The following TPH2 variants were observed in gnomAD, a reference collection of about 807,000 sequenced individuals.
The protein encoded by TPH2 is tryptophan hydroxylase 2, also known as tryptophan 5-hydroxylase 2.
In TPH2, 27 loss-of-function variants were observed where a neutral mutation model predicts 59.1. That is an observed-to-expected ratio of 0.46 (90% confidence interval 0.34 to 0.63). The LOEUF is 0.63. Among genes scored for constraint, TPH2 ranks in the 30% least tolerant of loss-of-function variants. TPH2 has a pLI of 0.01. For missense variants in TPH2, 523 were observed against 588.3 expected (o/e 0.89, Z 1.15); for synonymous variants, 220 against 210.5 (o/e 1.05, Z -0.39).
intron 8 of TPH2, among the ~76,000 whole-genome samples, chr12:72,015,684 A>T (rs1317330048): frequency 6.6e-6 from 1 of 152,152 alleles, no homozygotes; most frequent in Non-Finnish European, 1.5e-5. Flanking sequence ...TTTGAGTGAC[A>T]GTCTTCTTTT....
At chr12:72,024,670 G>T in intron 9 of TPH2, among the ~76,000 whole-genome samples, 1 of 152,162 alleles carries the variant, frequency 6.6e-6, no homozygotes, top group East Asian at 1.9e-4. Context: ...CAAAGGAAAC[G>T]GATCTCTCTC....
intron 9 of TPH2, among the ~76,000 whole-genome samples, chr12:72,023,110 A>T (rs1449010148): frequency 6.6e-6 from 1 of 152,180 alleles, no homozygotes; most frequent in Non-Finnish European, 1.5e-5. Flanking sequence ...AGAAATGTTG[A>T]GACCTGGAAT....
intron 5 of TPH2, chr12:71,962,110 G>T: frequency 1.0e-6 from 1 of 993,614 alleles, no homozygotes; most frequent in Non-Finnish European, 1.2e-6. Context: ...TTTACTCTAT[G>T]GCGTGGCTTA....
intron 8 of TPH2, among the ~76,000 whole-genome samples, chr12:72,011,109 T>G (rs1166463869): frequency 6.6e-6 from 1 of 152,192 alleles, no homozygotes; most frequent in East Asian, 1.9e-4. Flanking sequence ...AGTTTAGCTA[T>G]TTCAAGGTAG....
intron 6 of TPH2, among the ~76,000 whole-genome samples, chr12:71,974,896 T>A (rs911866537): frequency 6.6e-6 from 1 of 152,188 alleles, no homozygotes; most frequent in Non-Finnish European, 1.5e-5. Flanking sequence ...TTTTCTGACA[T>A]CTCTGCTCAG....
intron 8 of TPH2, among the ~76,000 whole-genome samples, chr12:72,022,110 TG>T (rs1177154306): frequency 6.6e-6 from 1 of 152,182 alleles, no homozygotes; most frequent in Non-Finnish European, 1.5e-5. Flanking sequence ...TCTACATCTG[TG>T]TTTTTTGTTT....
intron 5 of TPH2, among the ~76,000 whole-genome samples, chr12:71,952,583 C>A (rs1211463268): frequency 1.3e-5 from 2 of 152,126 alleles, no homozygotes; most frequent in African/African-American, 4.8e-5. Context: ...GGGTATTTAC[C>A]TAAGAGAGCT....
intron 8 of TPH2, among the ~76,000 whole-genome samples, chr12:71,995,595 A>G (rs1363009269): frequency 6.6e-6 from 1 of 152,214 alleles, no homozygotes; most frequent in East Asian, 1.9e-4. Flanking sequence ...CAACTAAAAG[A>G]TAAATAGCAA....
At chr12:71,958,644 C>T (rs957744977) in intron 5 of TPH2, among the ~76,000 whole-genome samples, 1 of 152,146 alleles carries the variant, frequency 6.6e-6, no homozygotes, top group East Asian at 1.9e-4. Flanking sequence ...TTCCCTCTCT[C>T]CCAGGCCCCA....
At chr12:72,003,783 C>T (rs1277456247) in intron 8 of TPH2, among the ~76,000 whole-genome samples, 1 of 152,172 alleles carries the variant, frequency 6.6e-6, no homozygotes, top group African/African-American at 2.4e-5. Flanking sequence ...GCATTGCCCA[C>T]TATGTTCAGA....
intron 8 of TPH2, among the ~76,000 whole-genome samples, chr12:71,996,092 C>G (rs1007633635): frequency 6.6e-6 from 1 of 152,112 alleles, no homozygotes; most frequent in Non-Finnish European, 1.5e-5. Context: ...ACTCTCAGGA[C>G]GTTGTAGTCA....
At position 72,022,394 on chromosome 12, in the gene TPH2, T is replaced by C; in HGVS notation, c.1069-5T>C. 3 of 1,613,052 alleles carry C rather than the reference T, an allele frequency of 1.9e-6. No individual in the cohort carries two copies. Among genetic ancestry groups the C allele is most frequent in the Non-Finnish European group, 2.5e-6 (3 of 1,179,004 alleles). On this transcript the variant is annotated splice_region_variant and splice_polypyrimidine_tract_variant and intron_variant, in intron 8 of 10. Coordinates refer to ENST00000333850, the MANE Select transcript of TPH2 (RefSeq NM_173353.4). ...TTCACTGAATATGTGTTCGTTTTTC[T>C]TCAGTGCTATTTCTTCACAATCGAG...
At chr12:71,978,481 C>T (rs191484638) in intron 6 of TPH2, among the ~76,000 whole-genome samples, 66 of 152,180 alleles carry the variant, frequency 4.3e-4, no homozygotes, top group Admixed American at 3.2e-3. Flanking sequence ...AAGGAGTTAG[C>T]GGGTATTGGC....
At chr12:72,010,683 G>A (rs751768689) in intron 8 of TPH2, among the ~76,000 whole-genome samples, 3 of 152,110 alleles carry the variant, frequency 2.0e-5, no homozygotes, top group Non-Finnish European at 4.4e-5. Context: ...GTCTAGGAGG[G>A]TGTTGCTTTT....
chr12:71,942,163 A>T, intron 2 of TPH2, among the ~76,000 whole-genome samples: 1 of 152,326 alleles, frequency 6.6e-6, no homozygotes, highest in Non-Finnish European at 1.5e-5. Flanking sequence ...GGCACACGGT[A>T]TTCCCCTAAG....
At chr12:71,975,152 G>A (rs1872081771) in intron 6 of TPH2, among the ~76,000 whole-genome samples, 1 of 152,148 alleles carries the variant, frequency 6.6e-6, no homozygotes, top group Non-Finnish European at 1.5e-5. Flanking sequence ...TTCGAGACCA[G>A]CCTGGCCAAC....
At chr12:71,944,768 C>T (rs1871158552) in intron 4 of TPH2, 82 bp downstream of exon 4, 1 of 1,227,100 alleles carries the variant, frequency 8.1e-7, no homozygotes, top group Non-Finnish European at 1.2e-6. Flanking sequence ...TTCTGTGCTG[C>T]AATGCTTTAT....
intron 7 of TPH2, among the ~76,000 whole-genome samples, chr12:71,985,208 A>G (rs1173893123): frequency 1.3e-5 from 2 of 152,234 alleles, no homozygotes; most frequent in Admixed American, 1.3e-4. Context: ...GCTGGTAAGT[A>G]CGTGAGTCAG....
intron 8 of TPH2, among the ~76,000 whole-genome samples, chr12:72,015,740 A>G (rs1873230757): frequency 6.6e-6 from 1 of 152,152 alleles, no homozygotes; most frequent in Non-Finnish European, 1.5e-5. Flanking sequence ...AACAGCACAG[A>G]TGCTTGCTAG....
Sources: allele counts gnomAD v4.1 joint callset (sites outside exome capture counted in the v4.1 genomes callset), GRCh38; gene constraint gnomAD v4.1.1; transcripts MANE v1.5; gene names NCBI Gene and HGNC (gene_info 2026-07-23, HGNC 2026-07-21).